Variants in UBASH3A observed in about 807,000 individuals in gnomAD.
UBASH3A encodes ubiquitin associated and SH3 domain containing A, also known as ubiquitin-associated and SH3 domain-containing protein A.
Under a neutral mutation model 73.5 loss-of-function variants are expected in UBASH3A, and 63 were observed. The observed-to-expected ratio is 0.86, with a 90% CI of 0.70 to 1.06. UBASH3A has a LOEUF of 1.06. Among genes scored for constraint, UBASH3A ranks in the 50% least tolerant of loss-of-function variants. The probability of loss-of-function intolerance (pLI) is 0.00; values close to 1 mark genes in which losing one functional copy is unlikely to be tolerated. For synonymous variants in UBASH3A, 363 were observed against 351.1 expected (o/e 1.03, Z -0.38); for missense variants, 860 against 859.0 (o/e 1.00, Z -0.02).
At chr21:42,433,843 G>A (rs911281594) in intron 9 of UBASH3A, among the ~76,000 whole-genome samples, 1 of 152,158 alleles carries the variant, frequency 6.6e-6, no homozygotes, top group African/African-American at 2.4e-5. Context: ...CTGACTCTGG[G>A]TTTGTGCAAG....
At chr21:42,428,345 G>A (rs985398126) in intron 8 of UBASH3A, among the ~76,000 whole-genome samples, 2 of 152,150 alleles carry the variant, frequency 1.3e-5, no homozygotes, top group African/African-American at 4.8e-5. Flanking sequence ...GGCTAGGTGA[G>A]GAGGCCTTTT....
intron 7 of UBASH3A, 79 bp from the exon 8 acceptor site, chr21:42,426,618 A>T: frequency 6.5e-7 from 1 of 1,541,706 alleles, no homozygotes; most frequent in East Asian, 2.3e-5. Context: ...TCTCAAGTAC[A>T]TACATGACCA....
At chr21:42,427,909 C>T (rs1444539761) in intron 8 of UBASH3A, among the ~76,000 whole-genome samples, 1 of 152,176 alleles carries the variant, frequency 6.6e-6, no homozygotes, top group African/African-American at 2.4e-5. Flanking sequence ...TGTGTGCCTC[C>T]AAAATTCCTA....
chr21:42,413,198 G>C lies in UBASH3A; in HGVS notation c.529G>C (p.Ala177Pro). Residue 177 changes from alanine to proline, a missense_variant, in exon 4 of 15, where the codon GCC becomes CCC. Ala to Pro is a conservative substitution (Grantham distance 27). Transcript: ENST00000319294. This position sits in a 1 kb window ranked among gnomAD's most constrained non-coding sequence, Gnocchi z 4.5. Reference protein sequence around the residue: ...DVIREFAMTFATEASLLAGTS... With the variant: ...DVIREFAMTFPTEASLLAGTS... ...CATCCGGGAATTCGCCATGACCTTC[G>C]CCACGGAAGCATCTCTCTTAGCAGG... 3.7e-6 allele frequency: 6 copies of C among 1,614,202 alleles called. No homozygotes were observed. Among genetic ancestry groups the C allele is most frequent in the Middle Eastern group, 1.7e-4 (1 of 6,060 alleles).
At chr21:42,427,780 C>A (rs528225947) in intron 8 of UBASH3A, among the ~76,000 whole-genome samples, 1 of 152,120 alleles carries the variant, frequency 6.6e-6, no homozygotes, top group African/African-American at 2.4e-5. Flanking sequence ...TTCCCTAGTC[C>A]CCAGGGCCCA....
rs544173228 is a variant in UBASH3A at position 42,413,331 on chromosome 21, G to A, written c.554-79G>A. 1.7e-5 allele frequency: 26 copies of A among 1,545,152 alleles called. No individual in the cohort carries two copies. The highest frequency in any genetic ancestry group is 4.5e-5 in the East Asian group (2 of 44,358). ...TGGATGCAGTGGGTGGGTTCCAGGG[G>A]AGCAGAGCCCAGCAGCAATGGTGGG... On this transcript the variant is annotated intron_variant, in intron 4 of 14. Transcript: ENST00000319294. The surrounding 1 kb of genome is among the most constrained non-coding windows in gnomAD (Gnocchi z 4.5).
chr21:42,404,213 C>T (rs1235368959), intron 1 of UBASH3A, 155 bp downstream of exon 1: 3 of 403,492 alleles, frequency 7.4e-6, no homozygotes, highest in Non-Finnish European at 1.3e-5. Flanking sequence ...ACAGGGCCCT[C>T]TTCTGCTTCT....
chr21:42,412,660 G>A (rs966594378), intron 3 of UBASH3A, among the ~76,000 whole-genome samples: 1 of 152,168 alleles, frequency 6.6e-6, no homozygotes, highest in Non-Finnish European at 1.5e-5. Context: ...GAAACCTCCA[G>A]AAGCCAAATC....
intron 12 of UBASH3A, 30 bp downstream of exon 12, chr21:42,442,626 G>T: frequency 6.3e-7 from 1 of 1,575,944 alleles, no homozygotes; most frequent in Non-Finnish European, 8.6e-7. Flanking sequence ...TCTGCCACTG[G>T]GGCTTTTCCA....
chr21:42,426,756 G>C lies in UBASH3A; in HGVS notation c.1106G>C (p.Ser369Thr). 1 of 1,614,198 alleles carries C rather than the reference G, an allele frequency of 6.2e-7. No homozygotes were observed. ...LNSRKDGEAS[S>T]RCSGEFLPQT... ...TCCAGAAAGGATGGTGAAGCCAGCA[G>C]CAGATGCAGCGGGGAATTTCTTCCA... Residue 369 changes from serine (S) to threonine (T), a missense_variant, in exon 8 of 15, where the codon AGC (serine) becomes ACC (threonine). By Grantham distance (58) the Ser-to-Thr change is moderately conservative (BLOSUM62 1). Coordinates refer to ENST00000319294, the MANE Select transcript of UBASH3A (RefSeq NM_018961.4).
chr21:42,409,527 C>A lies in UBASH3A; in HGVS notation c.273C>A (p.Phe91Leu). The A allele has an allele frequency of 6.2e-7, 1 of 1,614,120 alleles. No homozygotes were observed. The highest frequency in any genetic ancestry group is 1.1e-5 in the South Asian group (1 of 91,074). ...CCCTGCTGGAAAAACTTCAAGAGTT[C>A]TGGAGAGAGAGCAAGCGCCAGTGTG... ...TGPLLEKLQE[F>L]WRESKRQCAK... Residue 91 changes from phenylalanine (F) to leucine (L), a missense_variant, in exon 3 of 15, where the codon TTC (phenylalanine) becomes TTA (leucine). Physicochemically the swap from Phe to Leu is conservative, Grantham distance 22. Coordinates refer to ENST00000319294, the MANE Select transcript of UBASH3A (RefSeq NM_018961.4).
rs78604473 is a variant in UBASH3A at position 42,417,789 on chromosome 21, G to A, written c.838-612G>A. On this transcript the variant is annotated intron_variant, in intron 6 of 14. Coordinates refer to ENST00000319294, the MANE Select transcript of UBASH3A (RefSeq NM_018961.4). ...AAGGCGGATGTGAAAGTCTGCTTAT[G>A]CCTTCAGATCTTTTGTAGACAAAAA... Among the ~76,000 whole-genome samples, 1,004 of 151,824 alleles carry A rather than the reference G, an allele frequency of 6.6e-3. 7 individuals carry two copies. Among genetic ancestry groups the A allele is most frequent in the African/African-American group, 0.023 (953 of 41,388 alleles).
chr21:42,423,396 A>G lies in UBASH3A; in HGVS notation c.1047-3301A>G, dbSNP rs370256556. Among the ~76,000 whole-genome samples the G allele has an allele frequency of 2.0e-5, 3 of 152,378 alleles. 1 individual carries two copies. The highest frequency in any genetic ancestry group is 1.9e-4 in the East Asian group (1 of 5,190). On this transcript the variant is annotated intron_variant, in intron 7 of 14. Coordinates refer to ENST00000319294, the MANE Select transcript of UBASH3A (RefSeq NM_018961.4). ...TGAGAAGACTCGGGCCCAGGAGGCC[A>G]GGTGACGTTGTACAATCAAGGAAGC... is the stretch of plus-strand genomic sequence containing the variant.
chr21:42,426,169 G>A (rs971596200), intron 7 of UBASH3A, among the ~76,000 whole-genome samples: 8 of 152,142 alleles, frequency 5.3e-5, no homozygotes, highest in Non-Finnish European at 8.8e-5. Context: ...ACCCCAGTTC[G>A]TTTCCTCTTA....
At chr21:42,426,223 C>T (rs545099654) in intron 7 of UBASH3A, among the ~76,000 whole-genome samples, 3 of 152,178 alleles carry the variant, frequency 2.0e-5, no homozygotes, top group South Asian at 2.1e-4. Flanking sequence ...AGTGATGTGT[C>T]GAGACATTCA....
chr21:42,419,031 T>C (rs1012753814), intron 7 of UBASH3A, among the ~76,000 whole-genome samples: 1 of 152,336 alleles, frequency 6.6e-6, no homozygotes, highest in Admixed American at 6.5e-5. Flanking sequence ...TATTATCTTA[T>C]GGTATTTATG....
rs140770241 is a variant in UBASH3A, at chr21:42,444,534, C to A, written c.1739C>A (p.Thr580Lys). 2 of 1,610,948 alleles carry A rather than the reference C, an allele frequency of 1.2e-6. No individual in the cohort carries two copies. The highest frequency in any genetic ancestry group is 1.3e-5 in the African/African-American group (1 of 74,898). The change falls in exon 14 of 15, where the codon ACG becomes AAG. Residue 580 changes from threonine (T) to lysine (K), a missense_variant and splice_region_variant. By Grantham distance (78) the Thr-to-Lys change is moderately conservative. Coordinates refer to ENST00000319294, the MANE Select transcript of UBASH3A (RefSeq NM_018961.4). ...VQIVNTCPQDTGVILIVSHGS... is the reference protein window; with the variant it reads ...VQIVNTCPQDKGVILIVSHGS... ...CTGGAGGTGTTCTTGTTTTCCACAG[C>A]GGGTGTCATCCTAATTGTGAGTCAC...
At chr21:42,435,496 G>A (rs1277572190) in intron 10 of UBASH3A, 1 of 152,680 alleles carries the variant, frequency 6.5e-6, no homozygotes. Flanking sequence ...ACTCGCCCAG[G>A]GCCCCACTCA....
intron 8 of UBASH3A, among the ~76,000 whole-genome samples, chr21:42,427,919 A>G (rs1009251837): frequency 6.6e-6 from 1 of 152,164 alleles, no homozygotes; most frequent in Non-Finnish European, 1.5e-5. Context: ...CAAAATTCCT[A>G]TCTCGAAGTC....
Sources: allele counts gnomAD v4.1 joint callset (sites outside exome capture counted in the v4.1 genomes callset), GRCh38; gene constraint gnomAD v4.1.1; non-coding constraint Gnocchi (gnomAD v3.1); transcripts MANE v1.5; gene names NCBI Gene and HGNC (gene_info 2026-07-23, HGNC 2026-07-21).